SCIN: variants seen among roughly 807,000 people sequenced by gnomAD.
The protein encoded by SCIN is scinderin, also known as adseverin.
A neutral mutation model predicts 91.8 loss-of-function variants in SCIN; 91 were observed. That is an observed-to-expected ratio of 0.99 (90% CI 0.84 to 1.18). SCIN has a LOEUF of 1.18. Ranked by LOEUF, SCIN falls within the 50% of genes most tolerant of loss-of-function variation. The pLI is 0.00. For synonymous variants in SCIN, 367 were observed against 312.6 expected (o/e 1.17, Z -1.84); for missense variants, 1,087 against 863.9 (o/e 1.26, Z -3.24).
intron 9 of SCIN, among the ~76,000 whole-genome samples, chr7:12,630,725 G>C (rs1055466236): frequency 6.6e-6 from 1 of 152,212 alleles, no homozygotes; most frequent in East Asian, 1.9e-4. Context: ...AAAAAGAGTG[G>C]AGCAGGGGAG....
intron 2 of SCIN, 68 bp downstream of exon 2, chr7:12,578,286 C>T: frequency 2.9e-6 from 4 of 1,371,402 alleles, no homozygotes; most frequent in Non-Finnish European, 3.9e-6. Context: ...CTCCTGTCTT[C>T]ATAGAATGAC....
At chr7:12,607,072 A>G (rs1343525095) in intron 4 of SCIN, among the ~76,000 whole-genome samples, 1 of 152,214 alleles carries the variant, frequency 6.6e-6, no homozygotes, top group Non-Finnish European at 1.5e-5. Context: ...AGATTCAGGA[A>G]CAGGACTTGC....
chr7:12,603,513 G>A (rs949789214), intron 3 of SCIN, among the ~76,000 whole-genome samples: 18 of 152,010 alleles, frequency 1.2e-4, no homozygotes, highest in African/African-American at 3.6e-4. Context: ...CAAATAGTGG[G>A]TGATAATGCC....
intron 13 of SCIN, 50 bp from the exon 14 acceptor site, chr7:12,649,417 G>T: frequency 7.9e-7 from 1 of 1,271,982 alleles, no homozygotes. Context: ...CTATGTATTA[G>T]AAAAATTACT....
chr7:12,586,576 C>A (rs1199669880), intron 3 of SCIN, among the ~76,000 whole-genome samples: 2 of 152,202 alleles, frequency 1.3e-5, no homozygotes, highest in Non-Finnish European at 2.9e-5. Flanking sequence ...AGTCCCACTA[C>A]TGGGTATTTA....
At chr7:12,626,419 C>T (rs766849583) in intron 7 of SCIN, 165 bp from the exon 8 acceptor site, 10 of 577,544 alleles carry the variant, frequency 1.7e-5, no homozygotes, top group East Asian at 8.6e-5. Flanking sequence ...TCAAATTCAG[C>T]GGCAATTACT....
chr7:12,573,772 A>G (rs1782315494), intron 1 of SCIN, among the ~76,000 whole-genome samples: 1 of 152,172 alleles, frequency 6.6e-6, no homozygotes, highest in Admixed American at 6.5e-5. Context: ...TGCCAGTTTT[A>G]AACTTCACAC....
At position 12,613,974 on chromosome 7, in the gene SCIN, T is replaced by C. The variant is rs540101720; in HGVS notation, c.667-8827T>C. Among the ~76,000 whole-genome samples the C allele has an allele frequency of 4.6e-5, 7 of 152,338 alleles. No homozygotes were observed. In the East Asian group the frequency reaches 1.3e-3, roughly 29 times the overall value. On this transcript the variant is annotated intron_variant, in intron 4 of 15. Transcript: ENST00000297029. Reference sequence around the variant, plus strand: ...AGAACTATGTTGGTAAGTGAAGTCATGTACCATGTATCACAGAGAAATTAA... The same window carrying C: ...AGAACTATGTTGGTAAGTGAAGTCACGTACCATGTATCACAGAGAAATTAA...
At position 12,636,122 on chromosome 7, in the gene SCIN, G is replaced by A. The variant is rs1783747317; in HGVS notation, c.1397G>A (p.Gly466Glu). Residue 466 changes from glycine (G) to glutamate (E), a missense_variant, in exon 10 of 16, where the codon GGA (glycine) becomes GAA (glutamate). Gly to Glu is a moderately conservative substitution (Grantham distance 98). Transcript: ENST00000297029. The part of the protein sequence containing the change: ...LTVQLDRSLG[G>E]QAVQIRVSQG... ...GTTCAGTTGGATCGGTCCCTTGGAG[G>A]ACAGGCTGTGCAGGTTGGGATATTT... 1.9e-6 allele frequency: 3 copies of A among 1,612,362 alleles called. No individual in the cohort carries two copies. In the East Asian group the frequency reaches 6.7e-5, roughly 36 times the overall value.
In SCIN at chr7:12,570,773, C is replaced by G. The variant is rs751209286; in HGVS notation, c.-14C>G. 1.9e-6 allele frequency: 3 copies of G among 1,548,438 alleles called. No homozygotes were observed. Among genetic ancestry groups the G allele is most frequent in the African/African-American group, 2.7e-5 (2 of 73,026 alleles). On this transcript the variant is annotated 5_prime_UTR_variant, in exon 1 of 16. In the 5' UTR this introduces an upstream ATG that the reference lacks. Transcript: ENST00000297029. ...CGATATCACGCGTCCCCCGGAGCAT[C>G]GCGTGCAGGAGCCATGGCGCGGGAG...
intron 3 of SCIN, among the ~76,000 whole-genome samples, chr7:12,585,171 C>T (rs563782882): frequency 6.6e-6 from 1 of 152,300 alleles, no homozygotes; most frequent in Admixed American, 6.5e-5. Context: ...CTTTCACTCT[C>T]ACAGTTCCTC....
At chr7:12,644,033 G>T in intron 11 of SCIN, 105 bp from the exon 12 acceptor site, 2 of 1,018,470 alleles carry the variant, frequency 2.0e-6, no homozygotes, top group Non-Finnish European at 1.4e-6. Flanking sequence ...CTGGGATAGG[G>T]CAGAAGGCGA....
intron 4 of SCIN, among the ~76,000 whole-genome samples, chr7:12,608,778 A>C (rs1054418537): frequency 1.3e-5 from 2 of 152,170 alleles, no homozygotes; most frequent in African/African-American, 4.8e-5. Flanking sequence ...CACCCGGCCT[A>C]AATTTGACCT....
At chr7:12,579,635 G>A (rs942719707) in intron 2 of SCIN, among the ~76,000 whole-genome samples, 1 of 152,200 alleles carries the variant, frequency 6.6e-6, no homozygotes, top group Non-Finnish European at 1.5e-5. Context: ...AGTAACTGTA[G>A]TCGAGCATGG....
rs76794244 is a variant in SCIN at position 12,590,558 on chromosome 7, G to A, written c.516+9337G>A. Among the ~76,000 whole-genome samples the A allele has an allele frequency of 1.9e-3, 285 of 152,124 alleles. 6 individuals carry two copies. In the East Asian group the frequency reaches 0.029, roughly 16 times the overall value. On this transcript the variant is annotated intron_variant, in intron 3 of 15. Transcript: ENST00000297029. ...CGAGCTTTTGATTTTTGACTATCCA[G>A]TCCCCTTGAAAGGAGGCTGCTTGCT...
chr7:12,635,169 AAATAAT>A lies in SCIN; in HGVS notation c.1320-858_1320-853del, dbSNP rs991153390. Among the ~76,000 whole-genome samples, 5 of 151,186 alleles carry A rather than the reference AAATAAT, an allele frequency of 3.3e-5. No homozygotes were observed. In the East Asian group the frequency reaches 5.8e-4, roughly 18 times the overall value. On this transcript the variant is annotated intron_variant, in intron 9 of 15. Coordinates refer to ENST00000297029, the MANE Select transcript of SCIN (RefSeq NM_001112706.3). ...TGGGTGATGAGTGAGACTCTGTCTC[AAATAAT>A]AATAATAATAATAATAAATAATTCC...
At position 12,660,048 on chromosome 7, in the gene SCIN, CATTGCT is replaced by C. The variant is rs1784232662; in HGVS notation, c.*7334_*7339del. ...TGAGATCCACCCCCTGCCAGCAAAA[CATTGCT>C]CCTGACTCCACCGCCTATCCCAAAA... is the stretch of plus-strand genomic sequence containing the variant. On this transcript the variant is annotated 3_prime_UTR_variant, in exon 16 of 16. Coordinates refer to ENST00000297029, the MANE Select transcript of SCIN (RefSeq NM_001112706.3). The C allele has an allele frequency of 3.9e-5, 6 of 152,290 alleles. No individual in the cohort carries two copies. Among genetic ancestry groups the C allele is most frequent in the Admixed American group, 3.3e-4 (5 of 15,278 alleles). The allele number at this position is 152,290 out of a possible 1,614,324, so 9.4% of individuals were successfully genotyped here.
intron 13 of SCIN, among the ~76,000 whole-genome samples, chr7:12,646,221 A>G (rs1783962649): frequency 6.6e-6 from 1 of 152,194 alleles, no homozygotes; most frequent in African/African-American, 2.4e-5. Flanking sequence ...CCTATCACAA[A>G]AATACCATTG....
rs1172030639 is a variant in SCIN, at chr7:12,644,797, C to T, written c.1881+92C>T. ...TTGGGAGGCCGAGGCAGGCAGATCA[C>T]CTGAGGTCAGGAGTTCGAGACCAGC... On this transcript the variant is annotated intron_variant, in intron 13 of 15. Transcript: ENST00000297029. 1.5e-5 allele frequency: 20 copies of T among 1,324,844 alleles called. No homozygotes were observed. The African/African-American group carries it at 1.9e-4, about 13-fold the overall frequency. The allele number at this position is 1,324,844 out of a possible 1,614,324, so 82.1% of individuals were successfully genotyped here.
Sources: gnomAD v4.1 joint callset for allele counts (sites outside exome capture counted in the v4.1 genomes callset) on GRCh38, gnomAD v4.1.1 for gene constraint, MANE v1.5 for transcripts, NCBI Gene and HGNC (gene_info 2026-07-23, HGNC 2026-07-21) for gene names.